Variants in RPL3L observed in about 807,000 individuals in gnomAD.
The protein encoded by RPL3L is ribosomal protein uL3-like.
A neutral mutation model predicts 44.5 loss-of-function variants in RPL3L; 44 were observed. The observed-to-expected ratio is 0.99, with a 90% CI of 0.78 to 1.27. The LOEUF (loss-of-function observed/expected upper bound fraction) is 1.27, where lower values mean the gene tolerates loss of function less well. RPL3L is among the 50% of genes most tolerant of loss of function. RPL3L has a pLI of 0.00. For synonymous variants in RPL3L, 292 were observed against 230.7 expected, an observed-to-expected ratio of 1.27 and a Z score of -2.41; for missense variants, 631 against 569.1, an observed-to-expected ratio of 1.11 and a Z score of -1.11.
intron 1 of RPL3L, 52 bp downstream of exon 1, chr16:1,954,577 C>A (rs372232835): frequency 2.0e-6 from 3 of 1,525,272 alleles, no homozygotes; most frequent in Non-Finnish European, 1.8e-6. Context: ...TGTCCCACCC[C>A]CCCAGAGTTC....
In RPL3L at chr16:1,946,742, A is replaced by G; in HGVS notation, c.850-16T>C. The stretch of plus-strand genomic sequence containing the variant: ...TGCGGAAGATCTGCCAGAAGGGGGC[A>G]CATGCCAGGGGCAGGAAGTGGCCTC... On this transcript the variant is annotated splice_polypyrimidine_tract_variant and intron_variant, in intron 6 of 9. Transcript: ENST00000268661. 1 of 1,611,502 alleles carries G rather than the reference A, an allele frequency of 6.2e-7. No individual in the cohort carries two copies. The highest frequency in any genetic ancestry group is 8.5e-7 in the Non-Finnish European group (1 of 1,179,566).
intron 4 of RPL3L, among the ~76,000 whole-genome samples, chr16:1,948,289 T>A (rs1259773761): frequency 6.6e-6 from 1 of 151,958 alleles, no homozygotes; most frequent in African/African-American, 2.4e-5. Flanking sequence ...AGTGGGGCGA[T>A]CTCGGCTCAC....
At chr16:1,948,877 G>A (rs1172811202) in intron 4 of RPL3L, among the ~76,000 whole-genome samples, 3 of 152,046 alleles carry the variant, frequency 2.0e-5, no homozygotes, top group African/African-American at 7.3e-5. Context: ...ACTACGCCTG[G>A]CTAATTTTTT....
At position 1,946,933 on chromosome 16, in the gene RPL3L, C is replaced by T. The variant is rs200828889; in HGVS notation, c.849+5G>A. Reference sequence around the variant, plus strand: ...AGTGTCCCCGTACCCCGGCTGAGGACGCACCTTCTTGTTGAGCTCCGTGCG... The same window carrying T: ...AGTGTCCCCGTACCCCGGCTGAGGATGCACCTTCTTGTTGAGCTCCGTGCG... On this transcript the variant is annotated splice_donor_5th_base_variant and intron_variant, in intron 6 of 9. Transcript: ENST00000268661. 511 of 1,595,788 alleles carry T rather than the reference C, an allele frequency of 3.2e-4. No homozygotes were observed. The highest frequency in any genetic ancestry group is 3.7e-4 in the Non-Finnish European group (436 of 1,170,732).
At position 1,954,668 on chromosome 16, in the gene RPL3L, C is replaced by T. The variant is rs749938626; in HGVS notation, c.-37G>A. On this transcript the variant is annotated 5_prime_UTR_variant, in exon 1 of 10. Coordinates refer to ENST00000268661, the MANE Select transcript of RPL3L (RefSeq NM_005061.3). ...CCTGAAGGTCAGGAAGGGGCCTCGC[C>T]GCTAGCCGCCAGAGGTCGAGTGGCA... is the stretch of plus-strand genomic sequence containing the variant. 1.5e-5 allele frequency: 23 copies of T among 1,517,182 alleles called. No homozygotes were observed. Among genetic ancestry groups the T allele is most frequent in the South Asian group, 6.4e-5 (5 of 78,602 alleles). The allele number at this position is 1,517,182 out of a possible 1,614,324, so 94.0% of individuals were successfully genotyped here.
chr16:1,954,113 G>A lies in RPL3L; in HGVS notation c.39C>T (p.His13=). Residue 13 remains histidine (H), a synonymous_variant, in exon 2 of 10, where the codon CAC becomes CAT. Coordinates refer to ENST00000268661, the MANE Select transcript of RPL3L (RefSeq NM_005061.3). ...TCCTCTTATGGGGCAGGAAGCCCAG[G>A]TGTCCGTGCCGAGGGGCGGAAAACT... The part of the protein sequence containing the change: ...HRKFSAPRHG[H]LGFLPHKRSH... The A allele has an allele frequency of 6.2e-7, 1 of 1,600,228 alleles. No individual in the cohort carries two copies. The highest frequency in any genetic ancestry group is 8.5e-7 in the Non-Finnish European group (1 of 1,174,250).
chr16:1,946,063 G>A, intron 7 of RPL3L, 133 bp from the exon 8 acceptor site: 2 of 698,604 alleles, frequency 2.9e-6, no homozygotes, highest in South Asian at 3.5e-5. Flanking sequence ...AGATGTAGGG[G>A]TGACTATCAC....
intron 5 of RPL3L, 32 bp downstream of exon 5, chr16:1,947,162 G>C (rs769839958): frequency 6.2e-7 from 1 of 1,612,848 alleles, no homozygotes; most frequent in Non-Finnish European, 8.5e-7. Context: ...CAGGCAGCCT[G>C]CCCTGGAGCT....
rs1225258981 is a variant in RPL3L at position 1,947,360 on chromosome 16, C to T, written c.522G>A (p.Arg174=). 1.3e-6 allele frequency: 2 copies of T among 1,591,776 alleles called. No individual in the cohort carries two copies. The highest frequency in any genetic ancestry group is 1.1e-5 in the South Asian group (1 of 89,464). ...TCTCCATGATGTGGGCCTTCTTCTGCCGGAAGGGCAGCAGTTTCATCTGCA... is the reference window on the plus strand; with the variant it reads ...TCTCCATGATGTGGGCCTTCTTCTGTCGGAAGGGCAGCAGTTTCATCTGCA... ...VHTQMKLLPF[R]QKKAHIMEIQ... Residue 174 remains arginine (R), a synonymous_variant, in exon 5 of 10, where the codon CGG becomes CGA. Transcript: ENST00000268661.
rs1217073290 is a variant in RPL3L, at chr16:1,954,107, G to T, written c.45C>A (p.Gly15=). Reference sequence around the variant, plus strand: ...GGTGGCTCCTCTTATGGGGCAGGAAGCCCAGGTGTCCGTGCCGAGGGGCGG... The same window carrying T: ...GGTGGCTCCTCTTATGGGGCAGGAATCCCAGGTGTCCGTGCCGAGGGGCGG... ...KFSAPRHGHL[G]FLPHKRSHRH... is the part of the protein sequence containing the mutation. Residue 15 remains glycine, a synonymous_variant, in exon 2 of 10, where the codon GGC becomes GGA. Coordinates refer to ENST00000268661, the MANE Select transcript of RPL3L (RefSeq NM_005061.3). 3.7e-6 allele frequency: 6 copies of T among 1,601,050 alleles called. No homozygotes were observed. Among genetic ancestry groups the T allele is most frequent in the Non-Finnish European group, 5.1e-6 (6 of 1,174,854 alleles).
chr16:1,947,476 G>A (rs527951616), intron 4 of RPL3L, 96 bp from the exon 5 acceptor site: 87 of 1,350,192 alleles, frequency 6.4e-5, no homozygotes, highest in South Asian at 6.2e-4. Flanking sequence ...CGCCTTCCAC[G>A]CATGCATTCA....
chr16:1,945,963 G>T, intron 7 of RPL3L, 33 bp from the exon 8 acceptor site: 2 of 1,571,450 alleles, frequency 1.3e-6, no homozygotes, highest in Non-Finnish European at 1.7e-6. Context: ...GCCAGGCCCG[G>T]AAAGGGCTTC....
At position 1,946,754 on chromosome 16, in the gene RPL3L, C is replaced by G. The variant is rs2083124163; in HGVS notation, c.850-28G>C. 4 of 1,609,978 alleles carry G rather than the reference C, an allele frequency of 2.5e-6. No individual in the cohort carries two copies. The South Asian group carries it at 4.4e-5, about 18-fold the overall frequency. On this transcript the variant is annotated intron_variant, in intron 6 of 9. Coordinates refer to ENST00000268661, the MANE Select transcript of RPL3L (RefSeq NM_005061.3). ...GCCAGAAGGGGGCACATGCCAGGGG[C>G]AGGAAGTGGCCTCTGAGGCCAGCAG...
At chr16:1,946,848 T>C (rs2083124897) in intron 6 of RPL3L, 90 bp downstream of exon 6, 6 of 1,561,512 alleles carry the variant, frequency 3.8e-6, no homozygotes, top group Non-Finnish European at 4.3e-6. Flanking sequence ...TCCCCGGCAG[T>C]GTCTGGGTCA....
At chr16:1,947,133 G>A (rs754538089) in intron 5 of RPL3L, 35 bp from the exon 6 acceptor site, 2 of 1,613,162 alleles carry the variant, frequency 1.2e-6, no homozygotes, top group East Asian at 4.5e-5. Flanking sequence ...TGAGAGGCCA[G>A]GCTGGTCCCC....
chr16:1,946,891 C>T, intron 6 of RPL3L, 47 bp downstream of exon 6: 1 of 1,570,202 alleles, frequency 6.4e-7, no homozygotes, highest in Non-Finnish European at 8.6e-7. Flanking sequence ...GTACTGAGGG[C>T]TGGGGTCCGA....
chr16:1,954,226 G>A (rs2083191687), intron 1 of RPL3L, 78 bp from the exon 2 acceptor site: 1 of 1,359,616 alleles, frequency 7.4e-7, no homozygotes, highest in Non-Finnish European at 9.8e-7. Flanking sequence ...ACCCATACCT[G>A]GAGAAATGGA....
At chr16:1,945,413 C>A in intron 9 of RPL3L, 86 bp downstream of exon 9, 18 of 1,504,876 alleles carry the variant, frequency 1.2e-5, no homozygotes, top group Non-Finnish European at 1.5e-5. Flanking sequence ...CAGGGGAGTC[C>A]CTGCCAGCTC....
chr16:1,951,022 G>T, intron 3 of RPL3L, 43 bp from the exon 4 acceptor site: 1 of 1,603,878 alleles, frequency 6.2e-7, no homozygotes, highest in African/African-American at 1.3e-5. Flanking sequence ...CCCAACCGGG[G>T]CAGCTCCCCA....
Sources: gnomAD v4.1 joint callset for allele counts (sites outside exome capture counted in the v4.1 genomes callset) on GRCh38, gnomAD v4.1.1 for gene constraint, MANE v1.5 for transcripts, NCBI Gene and HGNC (gene_info 2026-07-23, HGNC 2026-07-21) for gene names.